PTGER3: variants seen among roughly 807,000 people sequenced by gnomAD.
PTGER3 encodes the protein prostaglandin E2 receptor EP3 subtype.
In PTGER3, 22 loss-of-function variants were observed where a neutral mutation model predicts 34.7. The ratio of observed to expected loss-of-function variants is 0.63; its 90% confidence interval spans 0.45 to 0.91. The LOEUF is 0.91. PTGER3 is among the 40% of genes least tolerant of loss of function. The pLI, the probability that PTGER3 is intolerant of heterozygous loss-of-function variation, is 0.00. For missense variants in PTGER3, 468 were observed against 519.4 expected (o/e 0.90, Z 0.96); for synonymous variants, 241 against 230.1 (o/e 1.05, Z -0.43).
intron 2 of PTGER3, chr1:71,007,359 T>C: frequency 1.0e-6 from 1 of 981,840 alleles, no homozygotes; most frequent in Admixed American, 6.2e-5. Flanking sequence ...GGCAAAGTAT[T>C]TTTTTCTCTT....
At chr1:71,022,303 T>G (rs1038308201) in intron 1 of PTGER3, among the ~76,000 whole-genome samples, 1 of 143,176 alleles carries the variant, frequency 7.0e-6, no homozygotes, top group Non-Finnish European at 1.6e-5. Flanking sequence ...TAACAAGAGG[T>G]AAGCAGTCTG....
At chr1:70,895,334 G>A (rs1362646003) in intron 4 of PTGER3, among the ~76,000 whole-genome samples, 2 of 152,172 alleles carry the variant, frequency 1.3e-5, no homozygotes, top group African/African-American at 4.8e-5. Flanking sequence ...CAAGCTTCAT[G>A]TGGTTAGTAT....
intron 4 of PTGER3, chr1:70,862,228 C>T: frequency 3.8e-6 from 3 of 797,854 alleles, no homozygotes; most frequent in Non-Finnish European, 5.1e-6. Context: ...ATACATAAAA[C>T]AAATGGAGAT....
chr1:71,014,989 AG>A lies in PTGER3; in HGVS notation c.898-2506del, dbSNP rs572795324. Among the ~76,000 whole-genome samples, 5 of 152,322 alleles carry A rather than the reference AG, an allele frequency of 3.3e-5. No individual in the cohort carries two copies. In the South Asian group the frequency reaches 1.0e-3, roughly 32 times the overall value. On this transcript the variant is annotated intron_variant, in intron 1 of 3. Transcript: ENST00000306666. ...CAGTACTGTCCAAACTATTCTTTCC[AG>A]TTTTGTCTCCCACTAATTGCCTATA...
At chr1:70,853,547 C>T (rs994106925) in intron 4 of PTGER3, among the ~76,000 whole-genome samples, 5 of 151,990 alleles carry the variant, frequency 3.3e-5, no homozygotes, top group Admixed American at 2.6e-4. Context: ...TTGATTAAGA[C>T]CAGGTATGAG....
At chr1:70,946,925 T>C (rs1026537858) in intron 4 of PTGER3, among the ~76,000 whole-genome samples, 5 of 152,116 alleles carry the variant, frequency 3.3e-5, no homozygotes, top group Admixed American at 6.6e-5. Context: ...AGCAGACTTA[T>C]ATAATTCCAG....
intron 2 of PTGER3, among the ~76,000 whole-genome samples, chr1:70,987,095 A>G (rs1572860975): frequency 1.3e-5 from 2 of 152,310 alleles, no homozygotes; most frequent in East Asian, 3.9e-4. Context: ...GCAAAAACAG[A>G]GACTCTAAGA....
chr1:70,908,097 C>T lies in PTGER3; in HGVS notation c.*23+45666G>A, dbSNP rs1291176874. ...CCTTTCATCCTCTGATTAATTATAC[C>T]CACTTTGTCTGCTTGTGCAATAGGC... On this transcript the variant is annotated intron_variant, in intron 4 of 4. Coordinates refer to the PTGER3 transcript ENST00000370931. Among the ~76,000 whole-genome samples the T allele has an allele frequency of 2.0e-5, 3 of 152,214 alleles. No homozygotes were observed. In the South Asian group the frequency reaches 6.2e-4, roughly 32 times the overall value.
chr1:70,984,958 G>T (rs903804165), intron 2 of PTGER3, among the ~76,000 whole-genome samples: 1 of 152,016 alleles, frequency 6.6e-6, no homozygotes, highest in Non-Finnish European at 1.5e-5. Flanking sequence ...TGATAATATT[G>T]TCTTCCATCC....
At chr1:71,033,009 G>T (rs1659539409) in intron 1 of PTGER3, among the ~76,000 whole-genome samples, 1 of 152,154 alleles carries the variant, frequency 6.6e-6, no homozygotes, top group Admixed American at 6.5e-5. Context: ...GGTAACTTCT[G>T]TGTCTCTGTG....
intron 2 of PTGER3, among the ~76,000 whole-genome samples, chr1:70,959,495 G>A (rs776928570): frequency 6.6e-6 from 1 of 151,918 alleles, no homozygotes; most frequent in Non-Finnish European, 1.5e-5. Context: ...CGAGTAGCTA[G>A]GATTACAGGC....
chr1:70,914,326 G>A (rs1468986386), intron 4 of PTGER3, among the ~76,000 whole-genome samples: 1 of 151,794 alleles, frequency 6.6e-6, no homozygotes, highest in Non-Finnish European at 1.5e-5. Context: ...GGATTTGATT[G>A]AGATAACATG....
At position 70,996,483 on chromosome 1, in the gene PTGER3, T is replaced by C. The variant is rs188002821; in HGVS notation, c.1077+15822A>G. Among the ~76,000 whole-genome samples the C allele has an allele frequency of 2.7e-3, 417 of 152,094 alleles. 1 individual carries two copies. The highest frequency in any genetic ancestry group is 4.0e-3 in the Non-Finnish European group (271 of 67,956). ...ATTTGTATCTATTTTGTTTTTGTTT[T>C]TGAGAAGGAGTCTCCCTCTGTCACC... On this transcript the variant is annotated intron_variant, in intron 2 of 3. Transcript: ENST00000306666.
Position 71,047,606 on chromosome 1 carries a change from G to C in PTGER3, c.-29C>G. ...GGCTTCGAGGTGAGGAGGGGATGGC[G>C]TCCAGAGAGCCGCAGCGGGAGGGGG... On this transcript the variant is annotated 5_prime_UTR_variant, in exon 1 of 4. Coordinates refer to ENST00000306666, the MANE Select transcript of PTGER3 (RefSeq NM_198719.2). The C allele has an allele frequency of 6.7e-7, 1 of 1,490,732 alleles. No homozygotes were observed. The highest frequency in any genetic ancestry group is 9.0e-7 in the Non-Finnish European group (1 of 1,115,726). 92.3% of individuals were successfully genotyped at this position (1,490,732 alleles called of 1,614,324 possible). A position where few individuals can be genotyped will look rare whatever the true frequency, so the allele number is the denominator to read the frequency against.
At chr1:71,034,105 G>A (rs942546474) in intron 1 of PTGER3, among the ~76,000 whole-genome samples, 1 of 152,038 alleles carries the variant, frequency 6.6e-6, no homozygotes, top group Non-Finnish European at 1.5e-5. Context: ...GGATTTCTTT[G>A]TAATTTGGTG....
At chr1:70,995,535 C>G (rs1171520282) in intron 2 of PTGER3, among the ~76,000 whole-genome samples, 1 of 152,138 alleles carries the variant, frequency 6.6e-6, no homozygotes, top group Non-Finnish European at 1.5e-5. Flanking sequence ...AAGTTTCACT[C>G]TAGCGTCCAA....
At chr1:70,854,688 C>T (rs1645761932) in intron 4 of PTGER3, among the ~76,000 whole-genome samples, 1 of 152,166 alleles carries the variant, frequency 6.6e-6, no homozygotes, top group Admixed American at 6.5e-5. Flanking sequence ...TTTCCTGAGG[C>T]CTCCAAAACA....
chr1:70,852,835 G>A (rs370011755), exon 5 of PTGER3: 18 of 1,613,278 alleles, frequency 1.1e-5, no homozygotes, highest in East Asian at 2.2e-5. Flanking sequence ...CAGAAAGGCA[G>A]GTTTTAATTT....
chr1:70,970,746 C>T (rs774146654), downstream of PTGER3: 22 of 472,356 alleles, frequency 4.7e-5, no homozygotes, highest in Non-Finnish European at 5.8e-5. Flanking sequence ...CAGGTAACGG[C>T]ATATCCGTTG....
Sources: allele counts gnomAD v4.1 joint callset (sites outside exome capture counted in the v4.1 genomes callset), GRCh38; gene constraint gnomAD v4.1.1; transcripts MANE v1.5; gene names NCBI Gene and HGNC (gene_info 2026-07-23, HGNC 2026-07-21).